The following SCN11A variants were observed in gnomAD, a reference collection of about 807,000 sequenced individuals.
SCN11A encodes sodium voltage-gated channel alpha subunit 11.
In SCN11A, 122 loss-of-function variants were observed where a neutral mutation model predicts 162.2. The observed-to-expected ratio is 0.75, with a 90% CI of 0.65 to 0.87. The LOEUF (loss-of-function observed/expected upper bound fraction) is 0.87. Ranked by LOEUF, SCN11A falls within the 40% of genes least tolerant of loss-of-function variation. The probability of loss-of-function intolerance (pLI) is 0.00; values close to 1 mark genes in which losing one functional copy is unlikely to be tolerated. For missense variants in SCN11A, 2,015 were observed against 2,181.6 expected, an observed-to-expected ratio of 0.92 and a Z score of 1.52; for synonymous variants, 758 against 751.5, an observed-to-expected ratio of 1.01 and a Z score of -0.14.
At chr3:38,942,963 C>G (rs1229696941) in intron 7 of SCN11A, among the ~76,000 whole-genome samples, 1 of 152,096 alleles carries the variant, frequency 6.6e-6, no homozygotes, top group Non-Finnish European at 1.5e-5. Context: ...GCAATTACAC[C>G]TAGGTATTTA....
rs778248560 is a variant in SCN11A at position 38,863,215 on chromosome 3, T to C, written c.4036A>G (p.Lys1346Glu). Residue 1346 changes from lysine (K) to glutamate (E), a missense_variant, in exon 28 of 30, where the codon AAA (lysine) becomes GAA (glutamate). Coordinates refer to ENST00000302328, the MANE Select transcript of SCN11A (RefSeq NM_001349253.2). ...MKKLGSKKPQ[K>E]PIPRPLNKCQ... ...CTCACCAGAGGCCGTGGAATGGGTT[T>C]TTGAGGTTTTTTGGATCCTAATTTT... 6.3e-7 allele frequency: 1 copy of C among 1,591,930 alleles called. No homozygotes were observed. Among genetic ancestry groups the C allele is most frequent in the South Asian group, 1.1e-5 (1 of 90,558 alleles).
chr3:38,952,069 T>A (rs1304566973), intron 4 of SCN11A, among the ~76,000 whole-genome samples: 1 of 152,000 alleles, frequency 6.6e-6, no homozygotes, highest in Non-Finnish European at 1.5e-5. Flanking sequence ...ACCACGAAGG[T>A]CTGCAGCTTC....
At chr3:38,908,890 ACT>A in intron 13 of SCN11A, 105 bp downstream of exon 13, 1 of 878,702 alleles carries the variant, frequency 1.1e-6, no homozygotes, top group Non-Finnish European at 1.9e-6. Flanking sequence ...TAGAGAAAGC[ACT>A]GAGACCAGGC....
intron 7 of SCN11A, among the ~76,000 whole-genome samples, chr3:38,940,348 C>G (rs754026191): frequency 9.9e-5 from 15 of 151,946 alleles, no homozygotes; most frequent in Non-Finnish European, 1.3e-4. Flanking sequence ...TAAAACTAAC[C>G]AAGTTGACTA....
At chr3:38,850,837 G>T in intron 28 of SCN11A, 86 bp from the exon 29 acceptor site, 1 of 1,202,404 alleles carries the variant, frequency 8.3e-7, no homozygotes, top group Non-Finnish European at 1.1e-6. Flanking sequence ...AACAGAATTT[G>T]TTTTTCCTTA....
At chr3:38,983,950 A>G (rs944570367) in intron 2 of SCN11A, among the ~76,000 whole-genome samples, 2 of 152,224 alleles carry the variant, frequency 1.3e-5, no homozygotes, top group Non-Finnish European at 1.5e-5. Flanking sequence ...TGGTGAAGAT[A>G]ATGATCACCT....
At chr3:38,920,961 G>A (rs2066040173) in intron 10 of SCN11A, 115 bp downstream of exon 10, 1 of 949,878 alleles carries the variant, frequency 1.1e-6, no homozygotes, top group Non-Finnish European at 1.6e-6. Flanking sequence ...GATGGATGAA[G>A]TCCTCCCTTG....
intron 2 of SCN11A, among the ~76,000 whole-genome samples, chr3:39,027,834 C>CA (rs2031629829): frequency 6.6e-6 from 1 of 152,172 alleles, no homozygotes; most frequent in Non-Finnish European, 1.5e-5. Context: ...CTGGGAGCCC[C>CA]AGCTCTGTGA....
chr3:38,970,747 C>G (rs565876387), intron 2 of SCN11A, among the ~76,000 whole-genome samples: 2 of 152,316 alleles, frequency 1.3e-5, no homozygotes, highest in South Asian at 4.1e-4. Context: ...CCCTATAACA[C>G]CCCGCATGAT....
At chr3:38,963,409 TATATATATGATGGAG>T (rs1252382975) in intron 2 of SCN11A, among the ~76,000 whole-genome samples, 752 of 63,964 alleles carry the variant, frequency 0.012, 9 homozygotes, top group South Asian at 0.022. Context: ...TATATATATA[TATATATATGATGGAG>T]ATATATATAT....
chr3:38,905,125 G>C, intron 15 of SCN11A, 67 bp downstream of exon 15: 2 of 1,600,892 alleles, frequency 1.2e-6, no homozygotes, highest in African/African-American at 1.3e-5. Context: ...CTAGGGGATT[G>C]GGAAGAAGAA....
chr3:38,850,354 T>C (rs986367065), intron 29 of SCN11A, 127 bp downstream of exon 29: 3 of 822,130 alleles, frequency 3.6e-6, no homozygotes, highest in Non-Finnish European at 5.7e-6. Context: ...CCCTGTCTAT[T>C]CTTTCAGAAA....
intron 2 of SCN11A, among the ~76,000 whole-genome samples, chr3:38,973,698 G>A (rs2066831015): frequency 6.6e-6 from 1 of 152,222 alleles, no homozygotes; most frequent in African/African-American, 2.4e-5. Context: ...GGATGGAAGA[G>A]AGTGTTGGAA....
In SCN11A at chr3:38,846,400, C is replaced by T; in HGVS notation, c.*294G>A. 1 of 321,202 alleles carries T rather than the reference C, an allele frequency of 3.1e-6. No homozygotes were observed. The highest frequency in any genetic ancestry group is 5.8e-6 in the Non-Finnish European group (1 of 171,856). The allele number at this position is 321,202 out of a possible 1,614,324, so 19.9% of individuals were successfully genotyped here. A position where few individuals can be genotyped will look rare whatever the true frequency, so the allele number is the denominator to read the frequency against. On this transcript the variant is annotated 3_prime_UTR_variant, in exon 30 of 30. Coordinates refer to ENST00000302328, the MANE Select transcript of SCN11A (RefSeq NM_001349253.2). The stretch of plus-strand genomic sequence containing the variant: ...GTGCTGGGATTACAGGCATGAGCCA[C>T]TGCGCCCGGCCTGAACTATTTCAAT...
intron 1 of SCN11A, among the ~76,000 whole-genome samples, chr3:39,042,167 G>A (rs2125616713): frequency 6.6e-6 from 1 of 152,192 alleles, no homozygotes; most frequent in African/African-American, 2.4e-5. Context: ...TACTCAGGAG[G>A]CCAAGGCAGG....
At position 38,847,215 on chromosome 3, in the gene SCN11A, C is replaced by T; in HGVS notation, c.4855G>A (p.Gly1619Ser). 1.9e-6 allele frequency: 3 copies of T among 1,614,006 alleles called. No homozygotes were observed. Among genetic ancestry groups the T allele is most frequent in the Non-Finnish European group, 2.5e-6 (3 of 1,179,944 alleles). Residue 1619 changes from glycine to serine, a missense_variant, in exon 30 of 30, where the codon GGT becomes AGT. Transcript: ENST00000302328. ...TATEESEDPL[G>S]EDDFDIFYEV... The stretch of plus-strand genomic sequence containing the variant: ...TAAAATATGTCAAAGTCATCTTCAC[C>T]CAAAGGGTCCTCACTTTCTTCAGTG...
chr3:38,950,467 A>G (rs1575329299), intron 4 of SCN11A, 98 bp from the exon 5 acceptor site: 1 of 1,276,176 alleles, frequency 7.8e-7, no homozygotes, highest in East Asian at 2.3e-5. Context: ...ATGGTGTCAT[A>G]AGGATCTACA....
chr3:38,925,619 G>T, intron 8 of SCN11A, 110 bp from the exon 9 acceptor site: 1 of 702,906 alleles, frequency 1.4e-6, no homozygotes, highest in South Asian at 1.8e-5. Flanking sequence ...GACCTCCAAG[G>T]TGAAATCGAC....
chr3:38,859,909 C>A (rs775080196), intron 28 of SCN11A, among the ~76,000 whole-genome samples: 1 of 152,150 alleles, frequency 6.6e-6, no homozygotes, highest in Non-Finnish European at 1.5e-5. Flanking sequence ...AGCCCCTGGG[C>A]TCCAAGAGTC....
Sources: allele counts gnomAD v4.1 joint callset (sites outside exome capture counted in the v4.1 genomes callset), GRCh38; gene constraint gnomAD v4.1.1; transcripts MANE v1.5; gene names NCBI Gene and HGNC (gene_info 2026-07-23, HGNC 2026-07-21).